Variants in PDZD2 observed in about 807,000 individuals in gnomAD.
PDZD2 encodes the protein PDZ domain-containing protein 2.
A neutral mutation model predicts 220.7 loss-of-function variants in PDZD2; 90 were observed. The ratio of observed to expected loss-of-function variants is 0.41; its 90% CI spans 0.34 to 0.49. PDZD2 has a LOEUF of 0.49. PDZD2 is among the 20% of genes least tolerant of loss of function. PDZD2 has a pLI of 0.28. For missense variants in PDZD2, 3,174 were observed against 3,608.5 expected, an observed-to-expected ratio of 0.88 and a Z score of 3.08; for synonymous variants, 1,375 against 1,450.5, an observed-to-expected ratio of 0.95 and a Z score of 1.18.
intron 20 of PDZD2, among the ~76,000 whole-genome samples, chr5:32,091,570 A>G (rs1743168230): frequency 6.6e-6 from 1 of 152,130 alleles, no homozygotes; most frequent in South Asian, 2.1e-4. Context: ...GGTGTGAGCC[A>G]CTGCACCCGG....
chr5:32,068,094 G>T (rs1740377429), intron 14 of PDZD2, among the ~76,000 whole-genome samples: 1 of 151,948 alleles, frequency 6.6e-6, no homozygotes, highest in Admixed American at 6.6e-5. Flanking sequence ...TTGACCCTTA[G>T]TGCCTCTGAA....
At chr5:31,657,899 T>C (rs1450686603) in intron 1 of PDZD2, among the ~76,000 whole-genome samples, 1 of 152,172 alleles carries the variant, frequency 6.6e-6, no homozygotes, top group East Asian at 1.9e-4. Context: ...GCCTTCCAAG[T>C]CCTACTCTTT....
chr5:31,662,787 G>A lies in PDZD2; in HGVS notation c.-361+23350G>A, dbSNP rs527754049. ...TGGGACTACAGGCGCCCACCACCAC[G>A]CCCAGCTAATTTTTTTGCATTTTTA... is the stretch of plus-strand genomic sequence containing the variant. On this transcript the variant is annotated intron_variant, in intron 1 of 24. Coordinates refer to ENST00000438447, the MANE Select transcript of PDZD2 (RefSeq NM_178140.4). Among the ~76,000 whole-genome samples the A allele has an allele frequency of 1.2e-3, 188 of 152,248 alleles. 1 individual carries two copies. Among genetic ancestry groups the A allele is most frequent in the Non-Finnish European group, 1.9e-3 (128 of 68,024 alleles).
At chr5:31,941,168 T>C (rs192675925) in intron 2 of PDZD2, among the ~76,000 whole-genome samples, 194 of 152,356 alleles carry the variant, frequency 1.3e-3, no homozygotes, top group African/African-American at 4.6e-3. Flanking sequence ...CCAACATTTC[T>C]GACCCTTTGG....
chr5:31,984,798 A>G (rs1750588135), intron 3 of PDZD2, among the ~76,000 whole-genome samples: 1 of 152,154 alleles, frequency 6.6e-6, no homozygotes, highest in African/African-American at 2.4e-5. Flanking sequence ...ACTGCTCTTC[A>G]TCCTGGGTGA....
intron 2 of PDZD2, among the ~76,000 whole-genome samples, chr5:31,920,719 C>CATCATT (rs1744172420): frequency 6.6e-6 from 1 of 152,014 alleles, no homozygotes; most frequent in African/African-American, 2.4e-5. Flanking sequence ...GACATGTATC[C>CATCATT]ATCATTATCA....
chr5:32,097,316 A>G lies in PDZD2; in HGVS notation c.7883A>G (p.Lys2628Arg), dbSNP rs777493415. The G allele has an allele frequency of 5.0e-6, 8 of 1,613,340 alleles. No homozygotes were observed. In the African/African-American group the frequency reaches 9.3e-5, roughly 19 times the overall value. Residue 2628 changes from lysine (K) to arginine (R), a missense_variant, in exon 22 of 25, where the codon AAA (lysine) becomes AGA (arginine). By Grantham distance (26) the Lys-to-Arg change is conservative. Around this residue, in one of 4 missense-constraint regions of PDZD2, gnomAD observed 631 missense variants for 789.9 expected, o/e 0.80. Transcript: ENST00000438447. ...GTTTGCTTCATAGTCTTGAATAGAAAAGAAGGCTCAGGTCTGGGATTCAGT... is the reference window on the plus strand; with the variant it reads ...GTTTGCTTCATAGTCTTGAATAGAAGAGAAGGCTCAGGTCTGGGATTCAGT... Reference protein sequence around the residue: ...EDVCFIVLNRKEGSGLGFSVA... With the variant: ...EDVCFIVLNRREGSGLGFSVA...
At chr5:31,769,924 G>T (rs1353249984) in intron 1 of PDZD2, among the ~76,000 whole-genome samples, 1 of 152,146 alleles carries the variant, frequency 6.6e-6, no homozygotes. Context: ...CTTGTGCTAG[G>T]TCAAAGTGTC....
At chr5:31,931,258 A>G (rs1745267023) in intron 2 of PDZD2, among the ~76,000 whole-genome samples, 1 of 152,144 alleles carries the variant, frequency 6.6e-6, no homozygotes, top group Non-Finnish European at 1.5e-5. Context: ...CCTGACATCA[A>G]GTGATCCACC....
chr5:31,948,903 A>G (rs1746908071), intron 2 of PDZD2, among the ~76,000 whole-genome samples: 1 of 152,044 alleles, frequency 6.6e-6, no homozygotes, highest in South Asian at 2.1e-4. Flanking sequence ...GTTGAAGACC[A>G]GCCTGGCCAA....
chr5:31,805,699 C>A (rs1754672607), intron 2 of PDZD2, among the ~76,000 whole-genome samples: 1 of 152,152 alleles, frequency 6.6e-6, no homozygotes, highest in South Asian at 2.1e-4. Flanking sequence ...TATGTCCCCC[C>A]AAAATTCATC....
chr5:31,949,516 G>A (rs1354898104), intron 2 of PDZD2, among the ~76,000 whole-genome samples: 1 of 152,080 alleles, frequency 6.6e-6, no homozygotes, highest in East Asian at 1.9e-4. Flanking sequence ...GCACCCTGAA[G>A]TGGTCTACCC....
chr5:31,688,856 C>T (rs374181656), intron 1 of PDZD2, among the ~76,000 whole-genome samples: 3 of 152,256 alleles, frequency 2.0e-5, no homozygotes, highest in East Asian at 3.9e-4. Context: ...CAGGCCAAAA[C>T]GACTCTTTTG....
chr5:32,067,434 AG>A (rs1352827752), intron 14 of PDZD2, among the ~76,000 whole-genome samples: 2 of 152,116 alleles, frequency 1.3e-5, no homozygotes, highest in East Asian at 3.8e-4. Context: ...TACTATGTGG[AG>A]GGGGGTGTGT....
In PDZD2 at chr5:32,097,017, G is replaced by C. The variant is rs546759168; in HGVS notation, c.7846-262G>C. Among the ~76,000 whole-genome samples, 247 of 151,882 alleles carry C rather than the reference G, an allele frequency of 1.6e-3. 3 individuals carry two copies. The highest frequency in any genetic ancestry group is 5.7e-3 in the African/African-American group (237 of 41,444). ...CACCTGGCTGATTTTTGTAGAGACAGGGTTTTGCCACATTGCCCAGGCTGG... is the reference window on the plus strand; with the variant it reads ...CACCTGGCTGATTTTTGTAGAGACACGGTTTTGCCACATTGCCCAGGCTGG... On this transcript the variant is annotated intron_variant, in intron 21 of 24. Transcript: ENST00000438447.
intron 2 of PDZD2, among the ~76,000 whole-genome samples, chr5:31,906,533 G>T (rs1179891517): frequency 6.6e-6 from 1 of 151,954 alleles, no homozygotes; most frequent in Non-Finnish European, 1.5e-5. Context: ...TATCAATGAT[G>T]TAGGAAATCT....
rs572318002 is a variant in PDZD2, at chr5:32,004,116, A to G, written c.1254+3845A>G. Among the ~76,000 whole-genome samples the G allele has an allele frequency of 1.8e-3, 271 of 150,712 alleles. 2 individuals are homozygous for G. Among genetic ancestry groups the G allele is most frequent in the African/African-American group, 6.3e-3 (258 of 41,104 alleles). Reference sequence around the variant, plus strand: ...TAAAAAAAAAAAAGGTGGGGGGGCCACTTATGGGTAAAGCAAATAATGAAG... The same window carrying G: ...TAAAAAAAAAAAAGGTGGGGGGGCCGCTTATGGGTAAAGCAAATAATGAAG... On this transcript the variant is annotated intron_variant, in intron 5 of 24. Coordinates refer to ENST00000438447, the MANE Select transcript of PDZD2 (RefSeq NM_178140.4).
At chr5:31,810,909 G>A (rs1755072657) in intron 2 of PDZD2, among the ~76,000 whole-genome samples, 1 of 152,250 alleles carries the variant, frequency 6.6e-6, no homozygotes, top group Non-Finnish European at 1.5e-5. Context: ...TCTTTGAGAT[G>A]TGATCTTTCT....
At chr5:31,896,358 GTGTGTGTGTA>G (rs1554091123) in intron 2 of PDZD2, among the ~76,000 whole-genome samples, 15 of 142,144 alleles carry the variant, frequency 1.1e-4, no homozygotes, top group Middle Eastern at 7.5e-3. Flanking sequence ...GTGTGTGTGT[GTGTGTGTGTA>G]TGTGTGTGTG....
Sources: gnomAD v4.1 joint callset for allele counts (sites outside exome capture counted in the v4.1 genomes callset) on GRCh38, gnomAD v4.1.1 for gene constraint, gnomAD v4.1.1 regional missense constraint, MANE v1.5 for transcripts, NCBI Gene and HGNC (gene_info 2026-07-23, HGNC 2026-07-21) for gene names.